The following ECH1 variants were observed in gnomAD, a reference collection of about 807,000 sequenced individuals.
The protein encoded by ECH1 is delta(3,5)-Delta(2,4)-dienoyl-CoA isomerase, mitochondrial.
A neutral mutation model predicts 37.0 loss-of-function variants in ECH1; 30 were observed. The ratio of observed to expected loss-of-function variants is 0.81; its 90% confidence interval spans 0.61 to 1.10. The LOEUF is 1.10. Among genes scored for constraint, ECH1 ranks in the 50% least tolerant of loss-of-function variants. ECH1 has a pLI of 0.00. For missense variants in ECH1, 456 were observed against 441.6 expected (o/e 1.03, Z -0.29); for synonymous variants, 178 against 176.0 (o/e 1.01, Z -0.09).
rs2145369036 is a variant in ECH1, at chr19:38,816,470, C to G, written c.642G>C (p.Lys214Asn). 6.2e-7 allele frequency: 1 copy of G among 1,614,194 alleles called. No homozygotes were observed. The highest frequency in any genetic ancestry group is 8.5e-7 in the Non-Finnish European group (1 of 1,180,024). ...GCACCCACCTCTGGTTCCCGATGAC[C>G]TTGGGCAGGCGCTGCAGTGTTCCTA... ...ADVGTLQRLP[K>N]VIGNQSLVNE... Residue 214 changes from lysine (K) to asparagine (N), a missense_variant, in exon 7 of 10, where the codon AAG becomes AAC. Lys to Asn is a moderately conservative substitution (Grantham distance 94). Coordinates refer to ENST00000221418, the MANE Select transcript of ECH1 (RefSeq NM_001398.3).
intron 3 of ECH1, chr19:38,817,810 G>T: frequency 1.0e-6 from 1 of 955,940 alleles, no homozygotes; most frequent in Non-Finnish European, 1.2e-6. Context: ...TACCAGCTAG[G>T]TCCTATTACT....
chr19:38,825,792 T>C (rs944129411), intron 3 of ECH1, among the ~76,000 whole-genome samples: 8 of 152,200 alleles, frequency 5.3e-5, no homozygotes, highest in Non-Finnish European at 2.9e-5. Flanking sequence ...TGCCCCCTCG[T>C]CCATGTCCAC....
chr19:38,828,558 A>C (rs1233596599), intron 3 of ECH1, among the ~76,000 whole-genome samples: 2 of 151,828 alleles, frequency 1.3e-5, no homozygotes, highest in East Asian at 3.9e-4. Context: ...AAAGATGATA[A>C]GGAGACTGAC....
intron 6 of ECH1, chr19:38,816,809 A>C: frequency 4.8e-6 from 3 of 622,306 alleles, no homozygotes; most frequent in Non-Finnish European, 5.6e-6. Context: ...CCTTTACTGC[A>C]TCCCCCGGCT....
chr19:38,820,718 G>T (rs1318973106), intron 3 of ECH1, among the ~76,000 whole-genome samples: 7 of 152,138 alleles, frequency 4.6e-5, no homozygotes, highest in African/African-American at 1.7e-4. Context: ...TGGCCTTCGG[G>T]GTCTTGCTGC....
intron 3 of ECH1, among the ~76,000 whole-genome samples, chr19:38,822,581 A>G (rs1437545062): frequency 2.7e-4 from 38 of 140,920 alleles, no homozygotes; most frequent in Middle Eastern, 8.5e-3. Flanking sequence ...GTTTGTAAAT[A>G]CACCAATCAG....
intron 3 of ECH1, among the ~76,000 whole-genome samples, chr19:38,825,731 C>A (rs1160380075): frequency 6.6e-6 from 1 of 152,340 alleles, no homozygotes; most frequent in East Asian, 1.9e-4. Flanking sequence ...GGCTTGTTAT[C>A]ATGCGGTTTA....
intron 2 of ECH1, 44 bp downstream of exon 2, chr19:38,831,265 C>T: frequency 6.2e-7 from 1 of 1,606,650 alleles, no homozygotes. Context: ...TCCCGCAGCC[C>T]CGCCTCCCCC....
intron 3 of ECH1, chr19:38,818,299 C>T: frequency 7.1e-6 from 7 of 985,336 alleles, no homozygotes; most frequent in Non-Finnish European, 7.2e-6. Flanking sequence ...AGATGAGAAA[C>T]ATCTCACGAT....
intron 5 of ECH1, 45 bp from the exon 6 acceptor site, chr19:38,817,174 C>A (rs1278665931): frequency 1.9e-6 from 3 of 1,553,306 alleles, no homozygotes; most frequent in African/African-American, 1.4e-5. Context: ...CCAGAACCAA[C>A]CCTGGCTCCC....
intron 4 of ECH1, 29 bp from the exon 5 acceptor site, chr19:38,817,393 G>A: frequency 6.2e-7 from 1 of 1,606,424 alleles, no homozygotes; most frequent in East Asian, 2.2e-5. Flanking sequence ...AGTGGGGTCA[G>A]GGCTGGCCCA....
At chr19:38,822,676 G>C (rs1270890163) in intron 3 of ECH1, among the ~76,000 whole-genome samples, 1 of 152,182 alleles carries the variant, frequency 6.6e-6, no homozygotes, top group South Asian at 2.1e-4. Flanking sequence ...GAGAAGTTTT[G>C]TGTCTAGCTC....
In ECH1 at chr19:38,817,136, G is replaced by A. The variant is rs1386863433; in HGVS notation, c.524-7C>T. ...GCGGTGACAAGGTCCACACCTAGGAGGTAGAGGCCAGGGATGCTGAATGAC... is the reference window on the plus strand; with the variant it reads ...GCGGTGACAAGGTCCACACCTAGGAAGTAGAGGCCAGGGATGCTGAATGAC... On this transcript the variant is annotated splice_region_variant and splice_polypyrimidine_tract_variant and intron_variant, in intron 5 of 9. Transcript: ENST00000221418. 1.3e-6 allele frequency: 2 copies of A among 1,567,232 alleles called. No individual in the cohort carries two copies. Among genetic ancestry groups the A allele is most frequent in the Middle Eastern group, 3.3e-4 (2 of 6,014 alleles).
intron 3 of ECH1, chr19:38,820,103 C>T (rs1198941465): frequency 3.9e-6 from 2 of 510,808 alleles, no homozygotes; most frequent in Non-Finnish European, 4.9e-6. Context: ...CTCTATCGCC[C>T]AGGCTGGCGT....
chr19:38,819,165 A>G, intron 3 of ECH1: 1 of 985,424 alleles, frequency 1.0e-6, no homozygotes, highest in Non-Finnish European at 1.2e-6. Flanking sequence ...AGACAAGTGG[A>G]AATAGGATCC....
In ECH1 at chr19:38,817,716, G is replaced by A. The variant is rs1971601327; in HGVS notation, c.350-141C>T. On this transcript the variant is annotated intron_variant, in intron 3 of 9. Transcript: ENST00000221418. ...AAAAACAACTCACACAGGACTTGGT[G>A]AGGGATTGATTGCATGTTGGGTGGG... 2.1e-6 allele frequency: 3 copies of A among 1,422,792 alleles called. No homozygotes were observed. In the African/African-American group the frequency reaches 4.3e-5, roughly 21 times the overall value. 88.1% of individuals were successfully genotyped at this position (1,422,792 alleles called of 1,614,324 possible).
intron 3 of ECH1, among the ~76,000 whole-genome samples, chr19:38,826,264 G>A (rs1235218094): frequency 6.6e-6 from 1 of 152,186 alleles, no homozygotes; most frequent in Non-Finnish European, 1.5e-5. Flanking sequence ...CCTACTTGTG[G>A]AGGGAATCAA....
chr19:38,824,867 C>G (rs181272905), intron 3 of ECH1, among the ~76,000 whole-genome samples: 25 of 152,276 alleles, frequency 1.6e-4, no homozygotes, highest in African/African-American at 6.0e-4. Flanking sequence ...CTCCAAAGGA[C>G]CACAAAACCC....
intron 8 of ECH1, 84 bp downstream of exon 8, chr19:38,816,200 G>A (rs546588801): frequency 5.2e-6 from 8 of 1,548,324 alleles, no homozygotes; most frequent in East Asian, 2.3e-5. Context: ...ATTCTAGAGC[G>A]AGGAGACAAG....
Sources: gnomAD v4.1 joint callset for allele counts (sites outside exome capture counted in the v4.1 genomes callset) on GRCh38, gnomAD v4.1.1 for gene constraint, MANE v1.5 for transcripts, NCBI Gene and HGNC (gene_info 2026-07-23, HGNC 2026-07-21) for gene names.